ZNF804A: variants seen among roughly 807,000 people sequenced by gnomAD.
ZNF804A encodes the protein zinc finger protein 804A.
Under a neutral mutation model 16.5 loss-of-function variants are expected in ZNF804A, and 2 were observed. The ratio of observed to expected loss-of-function variants is 0.12; its 90% CI spans 0.05 to 0.38. The LOEUF is 0.38. Among genes scored for constraint, ZNF804A ranks in the 10% least tolerant of loss-of-function variants. The probability of loss-of-function intolerance (pLI) is 0.99; values close to 1 mark genes in which losing one functional copy is unlikely to be tolerated. For synonymous variants in ZNF804A, 534 were observed against 489.6 expected, an observed-to-expected ratio of 1.09 and a Z score of -1.20; for missense variants, 1,473 against 1,390.7, an observed-to-expected ratio of 1.06 and a Z score of -0.94.
chr2:184,839,401 A>G (rs1695401282), intron 1 of ZNF804A, among the ~76,000 whole-genome samples: 1 of 152,084 alleles, frequency 6.6e-6, no homozygotes. Context: ...TCCTGTGCAA[A>G]GTTATACATT....
intron 2 of ZNF804A, among the ~76,000 whole-genome samples, chr2:184,924,370 C>A (rs1005912183): frequency 4.6e-5 from 7 of 151,678 alleles, no homozygotes; most frequent in Non-Finnish European, 7.4e-5. Context: ...TCATAGTAGC[C>A]ACTAATAGTC....
intron 1 of ZNF804A, among the ~76,000 whole-genome samples, chr2:184,693,904 A>C (rs1219671684): frequency 6.6e-6 from 1 of 151,708 alleles, no homozygotes; most frequent in Non-Finnish European, 1.5e-5. Flanking sequence ...ATAAAAAAAA[A>C]AATCGATGAT....
chr2:184,782,451 ACAACAAC>A (rs1398689144), intron 1 of ZNF804A, among the ~76,000 whole-genome samples: 1 of 151,372 alleles, frequency 6.6e-6, no homozygotes, highest in Non-Finnish European at 1.5e-5. Flanking sequence ...AATAAACAAA[ACAACAAC>A]AACAAAAACA....
intron 1 of ZNF804A, among the ~76,000 whole-genome samples, chr2:184,688,568 A>G (rs534981444): frequency 6.6e-6 from 1 of 152,236 alleles, no homozygotes; most frequent in East Asian, 1.9e-4. Context: ...CTATTTTACT[A>G]TTTTAACTAT....
At chr2:184,746,333 C>A (rs1693789094) in intron 1 of ZNF804A, among the ~76,000 whole-genome samples, 1 of 151,298 alleles carries the variant, frequency 6.6e-6, no homozygotes, top group African/African-American at 2.4e-5. Context: ...TTTATCTTTC[C>A]TCCTCACTAC....
chr2:184,647,945 A>G (rs1371637979), intron 1 of ZNF804A, among the ~76,000 whole-genome samples: 3 of 152,174 alleles, frequency 2.0e-5, no homozygotes, highest in African/African-American at 7.2e-5. Flanking sequence ...CAAACATTCT[A>G]AAGTCAACAC....
chr2:184,615,823 A>G (rs1052121632), intron 1 of ZNF804A, among the ~76,000 whole-genome samples: 1 of 152,182 alleles, frequency 6.6e-6, no homozygotes, highest in Non-Finnish European at 1.5e-5. Context: ...ACTGGAGATC[A>G]CTGGAAGCAG....
At chr2:184,731,166 G>A (rs1693509242) in intron 1 of ZNF804A, among the ~76,000 whole-genome samples, 1 of 132,196 alleles carries the variant, frequency 7.6e-6, no homozygotes. Flanking sequence ...AAGGAGAATT[G>A]CTTGAACCTG....
chr2:184,627,546 G>T (rs1334884142), intron 1 of ZNF804A, among the ~76,000 whole-genome samples: 1 of 152,078 alleles, frequency 6.6e-6, no homozygotes. Context: ...CATCTACAAT[G>T]TACTACCCAC....
At chr2:184,922,863 G>A (rs1263875855) in intron 2 of ZNF804A, among the ~76,000 whole-genome samples, 2 of 152,166 alleles carry the variant, frequency 1.3e-5, no homozygotes, top group Middle Eastern at 3.4e-3. Context: ...TTGAAAGTGA[G>A]TTCACTGTAG....
chr2:184,749,349 G>A (rs1169022178), intron 1 of ZNF804A, among the ~76,000 whole-genome samples: 2 of 151,422 alleles, frequency 1.3e-5, no homozygotes, highest in East Asian at 3.9e-4. Context: ...TTTTAAATGG[G>A]ATTGTGTTCT....
At chr2:184,878,348 A>T (rs1684745709) in intron 2 of ZNF804A, among the ~76,000 whole-genome samples, 1 of 152,068 alleles carries the variant, frequency 6.6e-6, no homozygotes, top group African/African-American at 2.4e-5. Flanking sequence ...GGTTTGAGTC[A>T]CCTGAAGGTT....
intron 1 of ZNF804A, among the ~76,000 whole-genome samples, chr2:184,606,235 T>C (rs1691142251): frequency 6.6e-6 from 1 of 152,210 alleles, no homozygotes; most frequent in Non-Finnish European, 1.5e-5. Flanking sequence ...AGAGGTTTAA[T>C]TGACTCACAT....
rs1685790705 is a variant in ZNF804A at position 184,936,534 on chromosome 2, G to A, written c.1138G>A (p.Val380Ile). The A allele has an allele frequency of 6.2e-7, 1 of 1,613,966 alleles. No individual in the cohort carries two copies. Among genetic ancestry groups the A allele is most frequent in the African/African-American group, 1.3e-5 (1 of 75,052 alleles). ...ISVQATTEEN[V>I]KHNEASTTEV... ...TGTGCAAGCTACCACAGAGGAAAAT[G>A]TTAAGCATAACGAGGCATCCACAAC... The change falls in exon 4 of 4, where the codon GTT becomes ATT. Residue 380 changes from valine to isoleucine, a missense_variant. Coordinates refer to ENST00000302277, the MANE Select transcript of ZNF804A (RefSeq NM_194250.2).
intron 2 of ZNF804A, among the ~76,000 whole-genome samples, chr2:184,929,155 A>G (rs914382509): frequency 2.0e-5 from 3 of 152,182 alleles, no homozygotes; most frequent in Non-Finnish European, 4.4e-5. Flanking sequence ...AGGCACAGTT[A>G]TCTAAATCTG....
chr2:184,644,880 A>T (rs897475516), intron 1 of ZNF804A, among the ~76,000 whole-genome samples: 2 of 152,076 alleles, frequency 1.3e-5, no homozygotes, highest in Admixed American at 1.3e-4. Context: ...ACACTGGGGC[A>T]GCAGTCAGCA....
chr2:184,658,993 A>T (rs72899921), intron 1 of ZNF804A, among the ~76,000 whole-genome samples: 426 of 152,300 alleles, frequency 2.8e-3, no homozygotes, highest in Non-Finnish European at 4.2e-3. Context: ...GCACAACAAA[A>T]TATCCAGAAA....
intron 1 of ZNF804A, among the ~76,000 whole-genome samples, chr2:184,614,903 T>C (rs187715278): frequency 1.9e-3 from 285 of 152,262 alleles, no homozygotes; most frequent in Non-Finnish European, 3.3e-3. Context: ...CTGGAGAGGA[T>C]GTGGAGAAAT....
At chr2:184,719,013 A>ACAC (rs1295065043) in intron 1 of ZNF804A, among the ~76,000 whole-genome samples, 2 of 152,184 alleles carry the variant, frequency 1.3e-5, no homozygotes, top group Non-Finnish European at 2.9e-5. Flanking sequence ...TGAGGGCCCC[A>ACAC]TCCCTACAGC....
Sources: allele counts gnomAD v4.1 joint callset (sites outside exome capture counted in the v4.1 genomes callset), GRCh38; gene constraint gnomAD v4.1.1; transcripts MANE v1.5; gene names NCBI Gene and HGNC (gene_info 2026-07-23, HGNC 2026-07-21).